The following TOP3A variants were observed in gnomAD, a reference collection of about 807,000 sequenced individuals.
The protein encoded by TOP3A is DNA topoisomerase 3-alpha.
A neutral mutation model predicts 111.3 loss-of-function variants in TOP3A; 64 were observed. The observed-to-expected ratio is 0.57, with a 90% CI of 0.47 to 0.71. The LOEUF is 0.71. TOP3A is among the 30% of genes least tolerant of loss of function. The probability of loss-of-function intolerance (pLI) is 0.00; values close to 1 mark genes in which losing one functional copy is unlikely to be tolerated. For missense variants in TOP3A, 1,104 were observed against 1,285.0 expected (o/e 0.86, Z 2.15); for synonymous variants, 484 against 485.1 (o/e 1.00, Z 0.03).
intron 18 of TOP3A, among the ~76,000 whole-genome samples, chr17:18,277,202 A>G (rs1037631823): frequency 1.5e-4 from 22 of 151,696 alleles, no homozygotes; most frequent in Admixed American, 5.9e-4. Flanking sequence ...AAAAAAAAAA[A>G]AAAAGAAATG....
chr17:18,280,871 G>A (rs1219638541), intron 16 of TOP3A, among the ~76,000 whole-genome samples: 10 of 152,262 alleles, frequency 6.6e-5, no homozygotes, highest in Non-Finnish European at 2.9e-5. Context: ...TGCTGGCCCT[G>A]CTTTCTATTT....
At position 18,314,811 on chromosome 17, in the gene TOP3A, C is replaced by T; in HGVS notation, c.-33G>A. ...CCTCGCGCCCGGAGCCGCTCCCCGG[C>T]TGCCGGCGCATCCTGGGGAAGCCAG... On this transcript the variant is annotated 5_prime_UTR_variant, in exon 1 of 19. Coordinates refer to ENST00000321105, the MANE Select transcript of TOP3A (RefSeq NM_004618.5). 3 of 1,480,850 alleles carry T rather than the reference C, an allele frequency of 2.0e-6. No individual in the cohort carries two copies. Among genetic ancestry groups the T allele is most frequent in the South Asian group, 2.5e-5 (2 of 78,654 alleles). The allele number at this position is 1,480,850 out of a possible 1,614,324, so 91.7% of individuals were successfully genotyped here. A position where few individuals can be genotyped will look rare whatever the true frequency, so the allele number is the denominator to read the frequency against.
At chr17:18,290,053 A>C (rs568832109) in intron 13 of TOP3A, among the ~76,000 whole-genome samples, 46 of 152,362 alleles carry the variant, frequency 3.0e-4, no homozygotes, top group African/African-American at 1.1e-3. Context: ...ACATGAGGCC[A>C]GCGTGAGCAG....
At chr17:18,304,980 G>C (rs768680764) in intron 5 of TOP3A, 132 bp downstream of exon 5, 4 of 744,862 alleles carry the variant, frequency 5.4e-6, no homozygotes, top group South Asian at 1.5e-5. Flanking sequence ...CACATGGCTG[G>C]TGGGACTCAC....
At chr17:18,276,461 CCA>C (rs1217598644) in intron 18 of TOP3A, among the ~76,000 whole-genome samples, 4 of 152,218 alleles carry the variant, frequency 2.6e-5, no homozygotes, top group Non-Finnish European at 4.4e-5. Flanking sequence ...GTTCCAAGTC[CCA>C]CAGTTTTTAC....
rs1290037731 is a variant in TOP3A at position 18,271,831 on chromosome 17, G to T, written c.*2971C>A. 4.7e-6 allele frequency: 2 copies of T among 429,258 alleles called. No individual in the cohort carries two copies. Among genetic ancestry groups the T allele is most frequent in the Non-Finnish European group, 9.4e-6 (2 of 213,748 alleles). The allele number at this position is 429,258 out of a possible 1,614,324, so 26.6% of individuals were successfully genotyped here. On this transcript the variant is annotated 3_prime_UTR_variant, in exon 19 of 19. Coordinates refer to ENST00000321105, the MANE Select transcript of TOP3A (RefSeq NM_004618.5). ...TAATCCTAGCACTTTGGGAGGCCGAGGCTGGTAGATCACCTGAGGTCACGA... is the reference window on the plus strand; with the variant it reads ...TAATCCTAGCACTTTGGGAGGCCGATGCTGGTAGATCACCTGAGGTCACGA...
chr17:18,303,802 G>A (rs1008632048), intron 5 of TOP3A, among the ~76,000 whole-genome samples: 1 of 152,156 alleles, frequency 6.6e-6, no homozygotes, highest in African/African-American at 2.4e-5. Context: ...CACTGGTGTA[G>A]GTCTTCACTT....
chr17:18,314,927 C>G lies in TOP3A; in HGVS notation c.-149G>C. The G allele has an allele frequency of 3.4e-6, 1 of 297,824 alleles. No individual in the cohort carries two copies. The highest frequency in any genetic ancestry group is 6.2e-6 in the Non-Finnish European group (1 of 161,802). The allele number at this position is 297,824 out of a possible 1,614,324, so 18.4% of individuals were successfully genotyped here. On this transcript the variant is annotated 5_prime_UTR_variant, in exon 1 of 19. Transcript: ENST00000321105. Reference sequence around the variant, plus strand: ...GCCTGCTGGCCTTTGGAGCTTCAGTCACTGAGCCTTTCCCGTGCCGCAGCC... The same window carrying G: ...GCCTGCTGGCCTTTGGAGCTTCAGTGACTGAGCCTTTCCCGTGCCGCAGCC...
In TOP3A at chr17:18,278,344, A is replaced by G. The variant is rs772454260; in HGVS notation, c.2158T>C (p.Phe720Leu). Reference sequence around the variant, plus strand: ...GTCGGGGGAAGGCTACCGCGCTTAAACTTTAACTTTAACCTAGTGAGGCCA... The same window carrying G: ...GTCGGGGGAAGGCTACCGCGCTTAAGCTTTAACTTTAACCTAGTGAGGCCA... ...PHPVYRLKLKFKRGSLPPTMP... is the reference protein window; with the variant it reads ...PHPVYRLKLKLKRGSLPPTMP... The change falls in exon 18 of 19, where the codon TTT becomes CTT. Residue 720 changes from phenylalanine (F) to leucine (L), a missense_variant. Transcript: ENST00000321105. 6.6e-7 allele frequency: 1 copy of G among 1,512,596 alleles called. No individual in the cohort carries two copies. The highest frequency in any genetic ancestry group is 8.8e-7 in the Non-Finnish European group (1 of 1,130,812). 93.7% of individuals were successfully genotyped at this position (1,512,596 alleles called of 1,614,324 possible).
chr17:18,308,463 T>G (rs543939241), intron 2 of TOP3A, 39 bp from the exon 3 acceptor site: 18 of 1,431,024 alleles, frequency 1.3e-5, no homozygotes, highest in Non-Finnish European at 1.8e-5. Context: ...TTAGTCTTTT[T>G]GCAGTTATTA....
chr17:18,294,694 A>G lies in TOP3A; in HGVS notation c.1073+9T>C. 6.2e-7 allele frequency: 1 copy of G among 1,604,516 alleles called. No homozygotes were observed. On this transcript the variant is annotated intron_variant, in intron 10 of 18. Coordinates refer to ENST00000321105, the MANE Select transcript of TOP3A (RefSeq NM_004618.5). ...GTTCAAATTCTACTCCCAAACCCAA[A>G]ATACTTACCCTTGAGTGTAGAGCTT...
intron 2 of TOP3A, 21 bp from the exon 3 acceptor site, chr17:18,308,445 A>T: frequency 6.5e-7 from 1 of 1,528,438 alleles, no homozygotes; most frequent in Non-Finnish European, 9.0e-7. Context: ...ACAAAATTCA[A>T]AATTCAGTTA....
chr17:18,308,888 A>G lies in TOP3A; in HGVS notation c.234T>C (p.Tyr78=). ...GAAATATTTTAGCACCTACCTGGCC[A>G]TACAGATGATAATCAAATTCATAGA... The part of the protein sequence containing the change: ...NKIYEFDYHL[Y]GQNVTMVMTS... Residue 78 remains tyrosine, a synonymous_variant, in exon 2 of 19, where the codon TAT becomes TAC. Coordinates refer to ENST00000321105, the MANE Select transcript of TOP3A (RefSeq NM_004618.5). 1 of 1,571,320 alleles carries G rather than the reference A, an allele frequency of 6.4e-7. No homozygotes were observed. The highest frequency in any genetic ancestry group is 8.7e-7 in the Non-Finnish European group (1 of 1,154,576).
chr17:18,276,587 A>G (rs376952247), intron 18 of TOP3A, among the ~76,000 whole-genome samples: 9 of 152,344 alleles, frequency 5.9e-5, no homozygotes, highest in African/African-American at 2.2e-4. Context: ...GGCAGGGACC[A>G]TCTTGTTGAG....
intron 13 of TOP3A, among the ~76,000 whole-genome samples, chr17:18,287,062 G>A (rs1980149331): frequency 6.6e-6 from 1 of 151,974 alleles, no homozygotes; most frequent in Non-Finnish European, 1.5e-5. Context: ...GGGATTACAG[G>A]TGTGAGCCAC....
chr17:18,304,806 C>T (rs904926519), intron 5 of TOP3A, among the ~76,000 whole-genome samples: 24 of 151,964 alleles, frequency 1.6e-4, no homozygotes, highest in African/African-American at 5.8e-4. Context: ...CGGGTATCTG[C>T]TTGTATGCTT....
chr17:18,277,199 A>AAAC (rs1412866211), intron 18 of TOP3A, among the ~76,000 whole-genome samples: 9 of 151,698 alleles, frequency 5.9e-5, no homozygotes, highest in South Asian at 2.1e-4. Context: ...AAAAAAAAAA[A>AAAC]AAAAAAAGAA....
At position 18,273,987 on chromosome 17, in the gene TOP3A, C is replaced by T. The variant is rs1407191218; in HGVS notation, c.*815G>A. The T allele has an allele frequency of 2.0e-5, 3 of 151,974 alleles. No individual in the cohort carries two copies. The highest frequency in any genetic ancestry group is 2.1e-4 in the South Asian group (1 of 4,822). The allele number at this position is 151,974 out of a possible 1,614,324, so 9.4% of individuals were successfully genotyped here. A position where few individuals can be genotyped will look rare whatever the true frequency, so the allele number is the denominator to read the frequency against. Reference sequence around the variant, plus strand: ...TTTTTGAGACTGAGTCTCGCTCTGTCGTCCAGTGGCGCAATCTCAGCTAAC... The same window carrying T: ...TTTTTGAGACTGAGTCTCGCTCTGTTGTCCAGTGGCGCAATCTCAGCTAAC... On this transcript the variant is annotated 3_prime_UTR_variant, in exon 19 of 19. Coordinates refer to ENST00000321105, the MANE Select transcript of TOP3A (RefSeq NM_004618.5).
chr17:18,314,500 G>A, intron 1 of TOP3A, 99 bp downstream of exon 1: 3 of 1,359,852 alleles, frequency 2.2e-6, no homozygotes, highest in Non-Finnish European at 3.0e-6. Flanking sequence ...TGAGAAATGG[G>A]AGATAATCGC....
Sources: gnomAD v4.1 joint callset for allele counts (sites outside exome capture counted in the v4.1 genomes callset) on GRCh38, gnomAD v4.1.1 for gene constraint, MANE v1.5 for transcripts, NCBI Gene and HGNC (gene_info 2026-07-23, HGNC 2026-07-21) for gene names.